ARHGAP26: variants seen among roughly 807,000 people sequenced by gnomAD.
ARHGAP26 encodes rho GTPase-activating protein 26.
A neutral mutation model predicts 104.8 loss-of-function variants in ARHGAP26; 38 were observed. That is an observed-to-expected ratio of 0.36 (90% CI 0.28 to 0.48). ARHGAP26 has a LOEUF of 0.48. ARHGAP26 is among the 20% of genes least tolerant of loss of function. The pLI is 0.99. For missense variants in ARHGAP26, 704 were observed against 947.9 expected (o/e 0.74, Z 3.38); for synonymous variants, 341 against 340.0 (o/e 1.00, Z -0.03).
chr5:142,930,212 A>G, intron 10 of ARHGAP26, among the ~76,000 whole-genome samples: 1 of 152,198 alleles, frequency 6.6e-6, no homozygotes, highest in South Asian at 2.1e-4. Context: ...TTTCAAAGCT[A>G]TTAAGACGTC....
At chr5:143,014,473 T>G (rs1404743195) in intron 12 of ARHGAP26, 28 of 228,432 alleles carry the variant, frequency 1.2e-4, no homozygotes, top group Non-Finnish European at 8.6e-6. Flanking sequence ...GAGAGCCTTA[T>G]CCTGTGGGAA....
intron 20 of ARHGAP26, among the ~76,000 whole-genome samples, chr5:143,149,082 T>C (rs1799497963): frequency 6.6e-6 from 1 of 152,042 alleles, no homozygotes; most frequent in Admixed American, 6.6e-5. Context: ...GGATTTTTTG[T>C]TTTTTAGGTG....
intron 17 of ARHGAP26, among the ~76,000 whole-genome samples, chr5:143,088,454 G>A (rs1375878718): frequency 1.3e-5 from 2 of 150,662 alleles, no homozygotes; most frequent in African/African-American, 4.9e-5. Flanking sequence ...AAACTCAGGG[G>A]TTTGGACCAA....
chr5:143,108,201 G>T (rs1413484477), intron 17 of ARHGAP26, among the ~76,000 whole-genome samples: 5 of 152,170 alleles, frequency 3.3e-5, no homozygotes, highest in Non-Finnish European at 5.9e-5. Context: ...AATTCAGATT[G>T]TTTCTAACTT....
chr5:142,849,031 T>C (rs1750990584), intron 1 of ARHGAP26, among the ~76,000 whole-genome samples: 1 of 152,234 alleles, frequency 6.6e-6, no homozygotes. Flanking sequence ...TCTTCCATGT[T>C]GTTTATTGGT....
chr5:143,023,511 A>C (rs1780623053), intron 12 of ARHGAP26, among the ~76,000 whole-genome samples: 1 of 152,208 alleles, frequency 6.6e-6, no homozygotes, highest in South Asian at 2.1e-4. Flanking sequence ...AGCAGAGGGC[A>C]GAAAAGAGGA....
chr5:142,859,120 T>C (rs988639128), intron 1 of ARHGAP26, among the ~76,000 whole-genome samples: 1 of 152,114 alleles, frequency 6.6e-6, no homozygotes, highest in Non-Finnish European at 1.5e-5. Flanking sequence ...GAAGGGACCA[T>C]CAACAAGATC....
intron 11 of ARHGAP26, among the ~76,000 whole-genome samples, chr5:142,946,155 C>G (rs1453556052): frequency 6.6e-6 from 1 of 152,220 alleles, no homozygotes. Flanking sequence ...TCTAAAGCCT[C>G]TCTGACATAT....
intron 11 of ARHGAP26, among the ~76,000 whole-genome samples, chr5:142,982,405 C>T (rs1024612620): frequency 6.6e-6 from 1 of 152,208 alleles, no homozygotes; most frequent in African/African-American, 2.4e-5. Context: ...TGGCTGCTGG[C>T]TTCCCTCTGG....
chr5:143,048,192 A>G (rs1330423067), intron 14 of ARHGAP26, among the ~76,000 whole-genome samples: 1 of 152,042 alleles, frequency 6.6e-6, no homozygotes, highest in Non-Finnish European at 1.5e-5. Context: ...AGATCTATAG[A>G]CTATATTTTC....
chr5:142,856,629 A>G (rs1752394643), intron 1 of ARHGAP26, among the ~76,000 whole-genome samples: 1 of 152,176 alleles, frequency 6.6e-6, no homozygotes, highest in Non-Finnish European at 1.5e-5. Flanking sequence ...CGGATGGAGA[A>G]TATTTATTGC....
chr5:142,975,843 C>T (rs1206389652), intron 11 of ARHGAP26, among the ~76,000 whole-genome samples: 1 of 152,128 alleles, frequency 6.6e-6, no homozygotes, highest in Non-Finnish European at 1.5e-5. Flanking sequence ...TGAGGTGTAC[C>T]ATACATGTAT....
intron 1 of ARHGAP26, among the ~76,000 whole-genome samples, chr5:142,865,198 T>G (rs1186959250): frequency 6.6e-6 from 1 of 152,146 alleles, no homozygotes; most frequent in Non-Finnish European, 1.5e-5. Context: ...GGGGTTGAGT[T>G]TTCATCGGAG....
chr5:143,108,274 T>C (rs1032473004), intron 17 of ARHGAP26, among the ~76,000 whole-genome samples: 6 of 152,216 alleles, frequency 3.9e-5, no homozygotes, highest in Non-Finnish European at 8.8e-5. Flanking sequence ...GTTAGACATG[T>C]AAACATATGG....
intron 11 of ARHGAP26, among the ~76,000 whole-genome samples, chr5:142,953,834 A>ATAGGG (rs1339170215): frequency 6.6e-6 from 1 of 152,180 alleles, no homozygotes; most frequent in African/African-American, 2.4e-5. Context: ...CATCTGCCTG[A>ATAGGG]GATAGGGGCA....
intron 1 of ARHGAP26, chr5:142,860,111 T>C (rs1399934189): frequency 6.6e-6 from 1 of 152,222 alleles, no homozygotes; most frequent in African/African-American, 2.4e-5. Flanking sequence ...ATCCCGGTTG[T>C]TGTTCCTGTC....
intron 12 of ARHGAP26, among the ~76,000 whole-genome samples, chr5:143,021,667 A>G (rs551045623): frequency 1.3e-5 from 2 of 152,218 alleles, no homozygotes; most frequent in Non-Finnish European, 2.9e-5. Flanking sequence ...GGATAATAAT[A>G]CCCCTGCTTC....
At chr5:142,956,736 A>G (rs753621490) in intron 11 of ARHGAP26, among the ~76,000 whole-genome samples, 6 of 152,196 alleles carry the variant, frequency 3.9e-5, no homozygotes, top group Non-Finnish European at 8.8e-5. Context: ...TTTACAAAAG[A>G]AAGAGGTTTA....
intron 22 of ARHGAP26, among the ~76,000 whole-genome samples, chr5:143,214,474 CCAT>C (rs2151400212): frequency 6.6e-6 from 1 of 152,322 alleles, no homozygotes; most frequent in African/African-American, 2.4e-5. Context: ...ATTATTAAAA[CCAT>C]CATCATCATT....
Sources: gnomAD v4.1 joint callset for allele counts (sites outside exome capture counted in the v4.1 genomes callset) on GRCh38, gnomAD v4.1.1 for gene constraint, MANE v1.5 for transcripts, NCBI Gene and HGNC (gene_info 2026-07-23, HGNC 2026-07-21) for gene names.